Variants in DNAJB4 observed in about 807,000 individuals in gnomAD.
DNAJB4 encodes dnaJ homolog subfamily B member 4.
DNAJB4 carries 10 observed loss-of-function variants against 26.6 expected under a neutral mutation model. The ratio of observed to expected loss-of-function variants is 0.38; its 90% CI spans 0.23 to 0.64. The LOEUF is 0.64. Ranked by LOEUF, DNAJB4 falls within the 30% of genes least tolerant of loss-of-function variation. DNAJB4 has a pLI of 0.58. For synonymous variants in DNAJB4, 136 were observed against 134.8 expected, an observed-to-expected ratio of 1.01 and a Z score of -0.06; for missense variants, 328 against 408.2, an observed-to-expected ratio of 0.80 and a Z score of 1.69.
At chr1:78,003,720 A>G (rs1660247681), upstream of DNAJB4, among the ~76,000 whole-genome samples, 2 of 152,314 alleles carry the variant, frequency 1.3e-5, no homozygotes, top group African/African-American at 4.8e-5. Context: ...GATGAGTTAT[A>G]TACATAGAAA....
chr1:77,982,252 C>T (rs955875620), intron 1 of DNAJB4, among the ~76,000 whole-genome samples: 7 of 152,190 alleles, frequency 4.6e-5, no homozygotes, highest in African/African-American at 7.2e-5. Context: ...TTTGGTTTTA[C>T]ATGTTGCCTC....
rs1660663849 is a variant in DNAJB4 at position 78,017,233 on chromosome 1, A to G, written c.*986A>G. The G allele has an allele frequency of 6.6e-6, 1 of 152,056 alleles. No individual in the cohort carries two copies. The highest frequency in any genetic ancestry group is 2.1e-4 in the South Asian group (1 of 4,828). 9.4% of individuals were successfully genotyped at this position (152,056 alleles called of 1,614,324 possible). On this transcript the variant is annotated 3_prime_UTR_variant, in exon 3 of 3. Transcript: ENST00000370763. The stretch of plus-strand genomic sequence containing the variant: ...ATAATGTTGCAACTACTTGTTATGC[A>G]TATAAATATTTTACTTTTTCACATG...
chr1:77,981,904 G>T (rs1659658051), intron 1 of DNAJB4, among the ~76,000 whole-genome samples: 1 of 152,192 alleles, frequency 6.6e-6, no homozygotes. Flanking sequence ...GATCATGGGA[G>T]ATATAACAGG....
In DNAJB4 at chr1:78,005,345, C is replaced by G. The variant is rs746187795; in HGVS notation, c.211+24C>G. The G allele has an allele frequency of 3.2e-6, 5 of 1,565,012 alleles. No individual in the cohort carries two copies. The South Asian group carries it at 5.9e-5, about 19-fold the overall frequency. On this transcript the variant is annotated intron_variant, in intron 1 of 2. Coordinates refer to ENST00000370763, the MANE Select transcript of DNAJB4 (RefSeq NM_007034.5). The stretch of plus-strand genomic sequence containing the variant: ...AGGTAAGTATTCTCTGTATATCTTT[C>G]TGTCTCTTCAGCTCTGTCTCTTTTT...
At chr1:78,009,929 T>C (rs540362660) in intron 1 of DNAJB4, among the ~76,000 whole-genome samples, 85 of 152,224 alleles carry the variant, frequency 5.6e-4, no homozygotes, top group African/African-American at 2.0e-3. Flanking sequence ...CAGCCTAGGA[T>C]TTTTTTCATT....
chr1:78,010,751 G>C (rs1557511030), intron 1 of DNAJB4, among the ~76,000 whole-genome samples: 1 of 152,158 alleles, frequency 6.6e-6, no homozygotes, highest in Non-Finnish European at 1.5e-5. Context: ...CTGTGTGTTA[G>C]TGGCATTTTA....
chr1:78,005,351 C>T (rs756523766), intron 1 of DNAJB4, 30 bp downstream of exon 1: 1 of 1,504,738 alleles, frequency 6.6e-7, no homozygotes, highest in Non-Finnish European at 8.9e-7. Context: ...CTTTCTGTCT[C>T]TTCAGCTCTG....
At chr1:78,006,366 T>G (rs1245367007) in intron 1 of DNAJB4, among the ~76,000 whole-genome samples, 2 of 152,202 alleles carry the variant, frequency 1.3e-5, no homozygotes, top group African/African-American at 4.8e-5. Flanking sequence ...CAGGACTAAG[T>G]TATTTTATTA....
intron 2 of DNAJB4, among the ~76,000 whole-genome samples, chr1:78,014,543 A>G (rs1462864397): frequency 6.6e-6 from 1 of 152,206 alleles, no homozygotes; most frequent in African/African-American, 2.4e-5. Flanking sequence ...AAGTCATTTT[A>G]AATCTGATGT....
At chr1:78,005,948 A>C (rs1660320721) in intron 1 of DNAJB4, among the ~76,000 whole-genome samples, 1 of 152,254 alleles carries the variant, frequency 6.6e-6, no homozygotes, top group South Asian at 2.1e-4. Flanking sequence ...AAAATACCAG[A>C]ACAAGTTTTT....
chr1:78,003,820 A>C (rs1660250050), upstream of DNAJB4, among the ~76,000 whole-genome samples: 1 of 152,214 alleles, frequency 6.6e-6, no homozygotes, highest in Non-Finnish European at 1.5e-5. Flanking sequence ...TGTTAACAAA[A>C]AATTATAAAA....
At chr1:78,004,322 T>A (rs1298127045), upstream of DNAJB4, 1 of 152,232 alleles carries the variant, frequency 6.6e-6, no homozygotes, top group Non-Finnish European at 1.5e-5. Flanking sequence ...AAATAACTAG[T>A]TAGCTAAAAT....
intron 1 of DNAJB4, among the ~76,000 whole-genome samples, chr1:77,999,533 T>TG (rs1385497265): frequency 2.0e-5 from 3 of 152,020 alleles, no homozygotes; most frequent in Non-Finnish European, 4.4e-5. Context: ...CAGACTCCTT[T>TG]GGGGGTGAAT....
chr1:78,016,464 C>T lies in DNAJB4; in HGVS notation c.*217C>T. On this transcript the variant is annotated 3_prime_UTR_variant, in exon 3 of 3. Coordinates refer to ENST00000370763, the MANE Select transcript of DNAJB4 (RefSeq NM_007034.5). ...CCATTCACTGTATTTTATTTCATTT[C>T]TCCTGATTCAGATATTTTTAGTAAT... is the stretch of plus-strand genomic sequence containing the variant. The T allele has an allele frequency of 1.9e-6, 1 of 529,606 alleles. No homozygotes were observed. The highest frequency in any genetic ancestry group is 3.3e-6 in the Non-Finnish European group (1 of 304,002). The allele number at this position is 529,606 out of a possible 1,614,324, so 32.8% of individuals were successfully genotyped here.
upstream of DNAJB4, among the ~76,000 whole-genome samples, chr1:78,000,637 C>T (rs1361124880): frequency 2.0e-5 from 3 of 152,092 alleles, no homozygotes; most frequent in East Asian, 1.9e-4. Flanking sequence ...TTTGCTTATT[C>T]TTGGACAGGA....
In DNAJB4 at chr1:78,013,292, A is replaced by G; in HGVS notation, c.453A>G (p.Pro151=). The G allele has an allele frequency of 6.2e-7, 1 of 1,614,122 alleles. No individual in the cohort carries two copies. Among genetic ancestry groups the G allele is most frequent in the East Asian group, 2.2e-5 (1 of 44,884 alleles). The part of the protein sequence containing the change: ...GYPRDRNSVG[P]SRLKQDPPVI... ...CAAGAGACAGGAATTCTGTGGGGCC[A>G]TCCCGCCTCAAACAAGATCCTCCAG... Residue 151 remains proline, a synonymous_variant, in exon 2 of 3, where the codon CCA becomes CCG. Coordinates refer to ENST00000370763, the MANE Select transcript of DNAJB4 (RefSeq NM_007034.5).
In DNAJB4 at chr1:78,013,098, C is replaced by G; in HGVS notation, c.259C>G (p.Arg87Gly). Residue 87 changes from arginine (R) to glycine (G), a missense_variant, in exon 2 of 3, where the codon CGG becomes GGG. Coordinates refer to ENST00000370763, the MANE Select transcript of DNAJB4 (RefSeq NM_007034.5). Reference sequence around the variant, plus strand: ...TACTGATGGACAAGGAGGTACCTTCCGGTACACCTTTCATGGCGATCCTCA... The same window carrying G: ...TACTGATGGACAAGGAGGTACCTTCGGGTACACCTTTCATGGCGATCCTCA... ...GGTDGQGGTFRYTFHGDPHAT... is the reference protein window; with the variant it reads ...GGTDGQGGTFGYTFHGDPHAT... 6.2e-7 allele frequency: 1 copy of G among 1,613,674 alleles called. No homozygotes were observed. Among genetic ancestry groups the G allele is most frequent in the South Asian group, 1.1e-5 (1 of 91,020 alleles).
chr1:77,989,827 C>A (rs1659890752), intron 1 of DNAJB4, among the ~76,000 whole-genome samples: 1 of 152,166 alleles, frequency 6.6e-6, no homozygotes, highest in Admixed American at 6.5e-5. Flanking sequence ...TCTTTGTATT[C>A]TGCCGTTTTC....
chr1:77,996,439 G>C, intron 1 of DNAJB4, among the ~76,000 whole-genome samples: 1 of 152,134 alleles, frequency 6.6e-6, no homozygotes. Flanking sequence ...ACAGGTGTAA[G>C]CTACTGCACC....
Sources: allele counts gnomAD v4.1 joint callset (sites outside exome capture counted in the v4.1 genomes callset), GRCh38; gene constraint gnomAD v4.1.1; transcripts MANE v1.5; gene names NCBI Gene and HGNC (gene_info 2026-07-23, HGNC 2026-07-21).